FASTKD5: variants seen among roughly 807,000 people sequenced by gnomAD.
The protein encoded by FASTKD5 is non-canonical pre-mRNAs endonuclease FASTKD5, mitochondrial.
In FASTKD5, 30 loss-of-function variants were observed where a neutral mutation model predicts 44.0. The observed-to-expected ratio is 0.68, with a 90% CI of 0.51 to 0.93. The LOEUF (loss-of-function observed/expected upper bound fraction) is 0.93. Among genes scored for constraint, FASTKD5 ranks in the 40% least tolerant of loss-of-function variants. The pLI is 0.00. For synonymous variants in FASTKD5, 335 were observed against 342.2 expected (o/e 0.98, Z 0.23); for missense variants, 868 against 908.2 (o/e 0.96, Z 0.57).
intron 1 of FASTKD5, among the ~76,000 whole-genome samples, chr20:3,155,457 C>T (rs932707832): frequency 2.6e-5 from 4 of 151,472 alleles, no homozygotes; most frequent in African/African-American, 7.3e-5. Context: ...CTTGAACCCG[C>T]GAGGCAGAGG....
rs548910718 is a variant in FASTKD5, at chr20:3,158,545, C to T, written c.-191+1221G>A. On this transcript the variant is annotated intron_variant, in intron 1 of 1. Transcript: ENST00000380266. ...CTGGAGTGCAGTGGCGCGATCTCGG[C>T]TCACTGCACACTCCGCCTCCCGGGG... Among the ~76,000 whole-genome samples, 5 of 152,294 alleles carry T rather than the reference C, an allele frequency of 3.3e-5. No homozygotes were observed. In the South Asian group the frequency reaches 1.0e-3, roughly 32 times the overall value.
At chr20:3,150,039 T>G (rs904425250) in intron 1 of FASTKD5, among the ~76,000 whole-genome samples, 1 of 151,990 alleles carries the variant, frequency 6.6e-6, no homozygotes, top group Admixed American at 6.6e-5. Flanking sequence ...AAAAAAGATT[T>G]AATTAGTTAT....
intron 1 of FASTKD5, among the ~76,000 whole-genome samples, chr20:3,153,401 C>G (rs1369066072): frequency 6.6e-6 from 1 of 152,216 alleles, no homozygotes; most frequent in African/African-American, 2.4e-5. Context: ...TGCATTAGTT[C>G]CCATCCTTAT....
chr20:3,156,368 G>A lies in FASTKD5; in HGVS notation c.-191+3398C>T, dbSNP rs915817377. 4.0e-5 allele frequency among the ~76,000 whole-genome samples: 6 copies of A among 151,876 alleles called. No homozygotes were observed. The South Asian group carries it at 6.2e-4, about 16-fold the overall frequency. On this transcript the variant is annotated intron_variant, in intron 1 of 1. Transcript: ENST00000380266. ...TTTTTTTGTATTTTTTGGTAGAGAC[G>A]GGGTTTTGCCATGTTGGTCAGGCTG...
rs1461656290 is a variant in FASTKD5 at position 3,147,113 on chromosome 20, T to A, written c.1958A>T (p.Gln653Leu). ...QGKTESEPGQ[Q>L]PMELENKAAV... The stretch of plus-strand genomic sequence containing the variant: ...TGCCTTATTCTCCAACTCCATGGGC[T>A]GCTGCCCAGGCTCTGACTCAGTTTT... The change falls in exon 2 of 2, where the codon CAG becomes CTG. Residue 653 changes from glutamine to leucine, a missense_variant. Coordinates refer to ENST00000380266, the MANE Select transcript of FASTKD5 (RefSeq NM_021826.5). 5 of 1,613,958 alleles carry A rather than the reference T, an allele frequency of 3.1e-6. No homozygotes were observed. Among genetic ancestry groups the A allele is most frequent in the Non-Finnish European group, 4.2e-6 (5 of 1,180,046 alleles).
Position 3,149,144 on chromosome 20 carries a change from A to G in FASTKD5, c.-74T>C, listed in dbSNP as rs573179361. ...GATTTGACCAGGCAATTTCTTGTTT[A>G]TATGGTGCTTGATTAGAGCTGGACG... On this transcript the variant is annotated 5_prime_UTR_variant, in exon 2 of 2. Transcript: ENST00000380266. The surrounding 1 kb of genome is among the most constrained non-coding windows in gnomAD (Gnocchi z 4.1). 6.7e-7 allele frequency: 1 copy of G among 1,503,122 alleles called. No individual in the cohort carries two copies. Among genetic ancestry groups the G allele is most frequent in the Non-Finnish European group, 9.0e-7 (1 of 1,117,014 alleles). The allele number at this position is 1,503,122 out of a possible 1,614,324, so 93.1% of individuals were successfully genotyped here.
chr20:3,149,005 A>C lies in FASTKD5; in HGVS notation c.66T>G (p.Phe22Leu). The C allele has an allele frequency of 6.2e-7, 1 of 1,614,114 alleles. No homozygotes were observed. Among genetic ancestry groups the C allele is most frequent in the Non-Finnish European group, 8.5e-7 (1 of 1,180,014 alleles). Residue 22 changes from phenylalanine to leucine, a missense_variant, in exon 2 of 2, where the codon TTT becomes TTG. Coordinates refer to ENST00000380266, the MANE Select transcript of FASTKD5 (RefSeq NM_021826.5). The surrounding 1 kb of genome is among the most constrained non-coding windows in gnomAD (Gnocchi z 4.1). ...AGTATGACACACTTCGGACTGCACC[A>C]AAGGCAGAAGGACTGCAAAATGCTC... ...RYRAFCSPSAFGAVRSVSYWN... is the reference protein window; with the variant it reads ...RYRAFCSPSALGAVRSVSYWN...
chr20:3,149,439 C>T lies in FASTKD5; in HGVS notation c.-190-179G>A, dbSNP rs894379617. Among the ~76,000 whole-genome samples the T allele has an allele frequency of 1.3e-5, 2 of 152,094 alleles. No homozygotes were observed. Among genetic ancestry groups the T allele is most frequent in the Non-Finnish European group, 2.9e-5 (2 of 68,008 alleles). Reference sequence around the variant, plus strand: ...ATAAATTCTGCGGTCTGTGTAAAGGCCTAGGAAAACCCCCAACCCAGGGTA... The same window carrying T: ...ATAAATTCTGCGGTCTGTGTAAAGGTCTAGGAAAACCCCCAACCCAGGGTA... On this transcript the variant is annotated intron_variant, in intron 1 of 1. Transcript: ENST00000380266. This position sits in a 1 kb window ranked among gnomAD's most constrained non-coding sequence, Gnocchi z 4.1.
At chr20:3,158,032 C>T (rs547943856) in intron 1 of FASTKD5, among the ~76,000 whole-genome samples, 1 of 152,248 alleles carries the variant, frequency 6.6e-6, no homozygotes, top group Admixed American at 6.5e-5. Context: ...GAGGATCGCT[C>T]AAGGATCTCA....
Position 3,146,973 on chromosome 20 carries a change from G to C in FASTKD5, c.2098C>G (p.Gln700Glu), listed in dbSNP as rs764970412. 17 of 1,614,198 alleles carry C rather than the reference G, an allele frequency of 1.1e-5. No individual in the cohort carries two copies. Among genetic ancestry groups the C allele is most frequent in the Non-Finnish European group, 1.4e-5 (17 of 1,180,042 alleles). Residue 700 changes from glutamine (Q) to glutamate (E), a missense_variant, in exon 2 of 2, where the codon CAG (glutamine) becomes GAG (glutamate). Gln to Glu is a conservative substitution (Grantham distance 29). Transcript: ENST00000380266. ...CAATACTGGTTCCTGTTTGTGAACT[G>C]AACAGCCAGCTTCATTCTTGGGGTC... is the stretch of plus-strand genomic sequence containing the variant. ...MQTPRMKLAV[Q>E]FTNRNQYCYG...
intron 1 of FASTKD5, among the ~76,000 whole-genome samples, chr20:3,152,903 C>CA (rs200186346): frequency 0.05 from 5,848 of 117,842 alleles, 154 homozygotes; most frequent in Non-Finnish European, 0.074. Context: ...AAGACTGTCT[C>CA]AAAAAAAAAA....
Position 3,149,944 on chromosome 20 carries a change from A to G in FASTKD5, c.-190-684T>C, listed in dbSNP as rs2255158. Among the ~76,000 whole-genome samples, 114,352 of 151,348 alleles carry G rather than the reference A, an allele frequency of 0.76. 44,504 individuals are homozygous for G. Among genetic ancestry groups the G allele is most frequent in the East Asian group, 0.99 (5,096 of 5,134 alleles). On this transcript the variant is annotated intron_variant, in intron 1 of 1. Transcript: ENST00000380266. The surrounding 1 kb of genome is among the most constrained non-coding windows in gnomAD (Gnocchi z 4.1). ...TGAGGCAGGAGAATCCCTTGAACCC[A>G]GGAGGCAGAGGTTGCGGTGAGCCAA...
At position 3,147,970 on chromosome 20, in the gene FASTKD5, G is replaced by GT. The variant is rs767722691; in HGVS notation, c.1100dup (p.His367GlnfsTer42). 1 of 1,614,186 alleles carries GT rather than the reference G, an allele frequency of 6.2e-7. No individual in the cohort carries two copies. The highest frequency in any genetic ancestry group is 8.5e-7 in the Non-Finnish European group (1 of 1,180,042). On this transcript the variant is annotated frameshift_variant, in exon 2 of 2. Coordinates refer to ENST00000380266, the MANE Select transcript of FASTKD5 (RefSeq NM_021826.5). LOFTEE classifies it high-confidence loss of function. ...GCTTCATGAAATTGATGTGATCCAC[G>GT]TGAGTGAAACGGAACATTTTAACAA... is the stretch of plus-strand genomic sequence containing the variant.
chr20:3,146,863 G>A lies in FASTKD5; in HGVS notation c.2208C>T (p.Ser736=), dbSNP rs745988256. The change falls in exon 2 of 2, where the codon TCC becomes TCT. Residue 736 remains serine (S), a synonymous_variant. Coordinates refer to ENST00000380266, the MANE Select transcript of FASTKD5 (RefSeq NM_021826.5). ...ARLGYRVVEL[S]YWEWLPLLKR... is the part of the protein sequence containing the mutation. Reference sequence around the variant, plus strand: ...TCAGTAGTGGGAGCCATTCCCAGTAGGATAACTCTACCACACGGTAGCCAA... The same window carrying A: ...TCAGTAGTGGGAGCCATTCCCAGTAAGATAACTCTACCACACGGTAGCCAA... 5 of 1,614,198 alleles carry A rather than the reference G, an allele frequency of 3.1e-6. No homozygotes were observed. In the South Asian group the frequency reaches 4.4e-5, roughly 14 times the overall value.
Position 3,148,086 on chromosome 20 carries a change from T to A in FASTKD5, c.985A>T (p.Ser329Cys). The part of the protein sequence containing the change: ...GTICLGFFKS[S>C]TNLSEFVMRK... ...ATGACAAATTCAGAGAGATTAGTAC[T>A]TGATTTAAAGAACCCCAAACAGATG... The change falls in exon 2 of 2, where the codon AGT becomes TGT. Residue 329 changes from serine to cysteine, a missense_variant. Ser to Cys is a moderately radical substitution (Grantham distance 112). Coordinates refer to ENST00000380266, the MANE Select transcript of FASTKD5 (RefSeq NM_021826.5). 1 of 1,614,162 alleles carries A rather than the reference T, an allele frequency of 6.2e-7. No individual in the cohort carries two copies. The highest frequency in any genetic ancestry group is 8.5e-7 in the Non-Finnish European group (1 of 1,180,046).
chr20:3,148,721 A>C lies in FASTKD5; in HGVS notation c.350T>G (p.Val117Gly), dbSNP rs1568482091. Reference protein sequence around the residue: ...EVFDSFENMRVFLQLRPEYRV... With the variant: ...EVFDSFENMRGFLQLRPEYRV... The stretch of plus-strand genomic sequence containing the variant: ...GTATTCTGGTCTTAGCTGTAGGAAA[A>C]CTCGCATGTTTTCAAAGGAATCAAA... The change falls in exon 2 of 2, where the codon GTT becomes GGT. Residue 117 changes from valine (V) to glycine (G), a missense_variant. Val to Gly is a moderately radical substitution (Grantham distance 109, BLOSUM62 -3). Coordinates refer to ENST00000380266, the MANE Select transcript of FASTKD5 (RefSeq NM_021826.5). The C allele has an allele frequency of 6.2e-7, 1 of 1,613,924 alleles. No individual in the cohort carries two copies. The highest frequency in any genetic ancestry group is 8.5e-7 in the Non-Finnish European group (1 of 1,179,986).
At position 3,148,397 on chromosome 20, in the gene FASTKD5, A is replaced by G. The variant is rs774094180; in HGVS notation, c.674T>C (p.Leu225Pro). 1 of 1,614,176 alleles carries G rather than the reference A, an allele frequency of 6.2e-7. No homozygotes were observed. Among genetic ancestry groups the G allele is most frequent in the Non-Finnish European group, 8.5e-7 (1 of 1,180,016 alleles). Reference sequence around the variant, plus strand: ...GCAACACTTGGTCTCATACACATCTAGCATTGAATGGGAGTGAGGGATTCC... The same window carrying G: ...GCAACACTTGGTCTCATACACATCTGGCATTGAATGGGAGTGAGGGATTCC... ...ILGIPHSHSM[L>P]DVYETKCCHQ... The change falls in exon 2 of 2, where the codon CTA becomes CCA. Residue 225 changes from leucine (L) to proline (P), a missense_variant. Coordinates refer to ENST00000380266, the MANE Select transcript of FASTKD5 (RefSeq NM_021826.5).
Position 3,146,738 on chromosome 20 carries a change from A to G in FASTKD5, c.*38T>C. On this transcript the variant is annotated 3_prime_UTR_variant, in exon 2 of 2. Coordinates refer to ENST00000380266, the MANE Select transcript of FASTKD5 (RefSeq NM_021826.5). ...TTTTGCAACACCTGGTACAGTATAC[A>G]CCTATAGCTTTGCCATAGAAATGCC... 6.3e-7 allele frequency: 1 copy of G among 1,588,394 alleles called. No homozygotes were observed. Among genetic ancestry groups the G allele is most frequent in the Non-Finnish European group, 8.6e-7 (1 of 1,167,642 alleles).
rs2066601181 is a variant in FASTKD5 at position 3,149,285 on chromosome 20, G to A, written c.-190-25C>T. The A allele has an allele frequency of 1.8e-6, 1 of 550,622 alleles. No individual in the cohort carries two copies. Among genetic ancestry groups the A allele is most frequent in the Non-Finnish European group, 3.2e-6 (1 of 309,840 alleles). The allele number at this position is 550,622 out of a possible 1,614,324, so 34.1% of individuals were successfully genotyped here. A position where few individuals can be genotyped will look rare whatever the true frequency, so the allele number is the denominator to read the frequency against. Reference sequence around the variant, plus strand: ...ACTGAAAAAAGGGTAGATGAAGAATGAGTGGCTTCTACCTATAAAAGCATC... The same window carrying A: ...ACTGAAAAAAGGGTAGATGAAGAATAAGTGGCTTCTACCTATAAAAGCATC... On this transcript the variant is annotated intron_variant, in intron 1 of 1. Transcript: ENST00000380266. The surrounding 1 kb of genome is among the most constrained non-coding windows in gnomAD (Gnocchi z 4.1).
Sources: allele counts gnomAD v4.1 joint callset (sites outside exome capture counted in the v4.1 genomes callset), GRCh38; gene constraint gnomAD v4.1.1; non-coding constraint Gnocchi (gnomAD v3.1); transcripts MANE v1.5; gene names NCBI Gene and HGNC (gene_info 2026-07-23, HGNC 2026-07-21).